TMEM132C: variants seen among roughly 807,000 people sequenced by gnomAD.
TMEM132C encodes transmembrane protein 132C, also known as protein phosphatase 1, regulatory subunit 152.
Under a neutral mutation model 61.4 loss-of-function variants are expected in TMEM132C, and 29 were observed. The observed-to-expected ratio is 0.47, with a 90% CI of 0.35 to 0.64. The LOEUF is 0.64. TMEM132C is among the 30% of genes least tolerant of loss of function. The probability of loss-of-function intolerance (pLI) is 0.00; values close to 1 mark genes in which losing one functional copy is unlikely to be tolerated. For synonymous variants in TMEM132C, 656 were observed against 633.1 expected, an observed-to-expected ratio of 1.04 and a Z score of -0.54; for missense variants, 1,408 against 1,476.9, an observed-to-expected ratio of 0.95 and a Z score of 0.76.
intron 6 of TMEM132C, among the ~76,000 whole-genome samples, chr12:128,695,284 C>T (rs1954750941): frequency 6.6e-6 from 1 of 152,140 alleles, no homozygotes; most frequent in African/African-American, 2.4e-5. Context: ...CTTTGGGAGG[C>T]CAAGGTGGGA....
chr12:128,576,251 A>G lies in TMEM132C; in HGVS notation c.1121+32148A>G, dbSNP rs562812313. ...CCTGGGTACAGAGCGAGACTCTGAAAAAGATTAGAAGGGGAGGGGAGGGGA... is the reference window on the plus strand; with the variant it reads ...CCTGGGTACAGAGCGAGACTCTGAAGAAGATTAGAAGGGGAGGGGAGGGGA... On this transcript the variant is annotated intron_variant, in intron 3 of 8. Coordinates refer to ENST00000435159, the MANE Select transcript of TMEM132C (RefSeq NM_001136103.3). Among the ~76,000 whole-genome samples the G allele has an allele frequency of 9.9e-5, 15 of 151,862 alleles. No individual in the cohort carries two copies. In the South Asian group the frequency reaches 3.1e-3, roughly 32 times the overall value.
At chr12:128,337,719 C>G (rs1038035845) in intron 1 of TMEM132C, among the ~76,000 whole-genome samples, 2 of 152,200 alleles carry the variant, frequency 1.3e-5, no homozygotes, top group Non-Finnish European at 2.9e-5. Flanking sequence ...GCAATTCTAT[C>G]AGTCTCCTTG....
At chr12:128,375,050 G>C (rs1300615162) in intron 1 of TMEM132C, among the ~76,000 whole-genome samples, 1 of 151,720 alleles carries the variant, frequency 6.6e-6, no homozygotes, top group East Asian at 1.9e-4. Context: ...TGGGGTGGGG[G>C]GTATCCTGTG....
intron 1 of TMEM132C, among the ~76,000 whole-genome samples, chr12:128,331,349 T>G (rs556083894): frequency 1.3e-4 from 20 of 152,390 alleles, no homozygotes; most frequent in South Asian, 1.2e-3. Context: ...TTTTGTTTCT[T>G]GCATGGTGGC....
chr12:128,566,422 T>C (rs1286336420), intron 3 of TMEM132C, among the ~76,000 whole-genome samples: 1 of 152,232 alleles, frequency 6.6e-6, no homozygotes, highest in Non-Finnish European at 1.5e-5. Context: ...GAGAATGTTA[T>C]TTCTTTGCTC....
intron 2 of TMEM132C, among the ~76,000 whole-genome samples, chr12:128,455,613 A>G (rs1329015569): frequency 6.6e-6 from 1 of 152,240 alleles, no homozygotes; most frequent in Non-Finnish European, 1.5e-5. Context: ...TTCCACTACA[A>G]GTCATTTTGA....
rs1473175250 is a variant in TMEM132C, at chr12:128,570,376, G to A, written c.1121+26273G>A. Reference sequence around the variant, plus strand: ...GCATTCATGGGCCTTTACAAATCTTGTTTTGACATGCACGTCAGAGAAAAA... The same window carrying A: ...GCATTCATGGGCCTTTACAAATCTTATTTTGACATGCACGTCAGAGAAAAA... On this transcript the variant is annotated intron_variant, in intron 3 of 8. Transcript: ENST00000435159. The surrounding 1 kb of genome is among the most constrained non-coding windows in gnomAD (Gnocchi z 4.7). 6.6e-6 allele frequency among the ~76,000 whole-genome samples: 1 copy of A among 152,184 alleles called. No homozygotes were observed. The highest frequency in any genetic ancestry group is 2.4e-5 in the African/African-American group (1 of 41,440).
intron 1 of TMEM132C, among the ~76,000 whole-genome samples, chr12:128,300,833 C>T (rs551019002): frequency 1.3e-5 from 2 of 152,224 alleles, no homozygotes; most frequent in East Asian, 3.9e-4. Flanking sequence ...GGCTAGGAGC[C>T]TCAACACCAG....
chr12:128,281,522 A>C (rs60839757), intron 1 of TMEM132C, among the ~76,000 whole-genome samples: 3,332 of 152,262 alleles, frequency 0.022, 96 homozygotes, highest in East Asian at 0.085. Flanking sequence ...CAAATGACCT[A>C]ATGTCTATTT....
intron 2 of TMEM132C, among the ~76,000 whole-genome samples, chr12:128,442,372 G>A (rs1414545968): frequency 1.3e-5 from 2 of 152,158 alleles, no homozygotes. Flanking sequence ...GTAAACCTGG[G>A]GCCATGGCCC....
At chr12:128,645,892 A>G (rs1357578517) in intron 4 of TMEM132C, among the ~76,000 whole-genome samples, 4 of 151,544 alleles carry the variant, frequency 2.6e-5, no homozygotes, top group African/African-American at 7.3e-5. Context: ...ACTGGAGTCT[A>G]TCAGTGCTGG....
chr12:128,552,542 G>A (rs1874208331), intron 3 of TMEM132C, among the ~76,000 whole-genome samples: 1 of 152,188 alleles, frequency 6.6e-6, no homozygotes, highest in Non-Finnish European at 1.5e-5. Flanking sequence ...TAACTTTAAT[G>A]TACACAAATA....
intron 1 of TMEM132C, among the ~76,000 whole-genome samples, chr12:128,316,990 C>G (rs1187566013): frequency 6.6e-6 from 1 of 152,162 alleles, no homozygotes; most frequent in Non-Finnish European, 1.5e-5. Flanking sequence ...TAGCTATCAC[C>G]CTTATGTACT....
At chr12:128,434,581 C>T (rs1232105221) in intron 2 of TMEM132C, among the ~76,000 whole-genome samples, 2 of 150,500 alleles carry the variant, frequency 1.3e-5, no homozygotes, top group Admixed American at 6.6e-5. Context: ...AGCCACCGCA[C>T]CTGGCCTGGA....
At position 128,668,132 on chromosome 12, in the gene TMEM132C, G is replaced by T. The variant is rs1052811597; in HGVS notation, c.1306-1285G>T. On this transcript the variant is annotated intron_variant, in intron 4 of 8. Transcript: ENST00000435159. Reference sequence around the variant, plus strand: ...TACAAGAAAAGTAAAAAATTAAAATGATCTGGGCATGGTGACACTTGCCTA... The same window carrying T: ...TACAAGAAAAGTAAAAAATTAAAATTATCTGGGCATGGTGACACTTGCCTA... Among the ~76,000 whole-genome samples the T allele has an allele frequency of 1.3e-5, 2 of 152,116 alleles. 1 individual carries two copies. Among genetic ancestry groups the T allele is most frequent in the Admixed American group, 1.3e-4 (2 of 15,268 alleles).
chr12:128,377,392 G>C (rs771910523), intron 1 of TMEM132C, among the ~76,000 whole-genome samples: 1 of 152,106 alleles, frequency 6.6e-6, no homozygotes, highest in South Asian at 2.1e-4. Flanking sequence ...CTCTGTTTTT[G>C]CCTCAGCGGG....
At chr12:128,457,660 G>A (rs1870392618) in intron 2 of TMEM132C, among the ~76,000 whole-genome samples, 1 of 152,078 alleles carries the variant, frequency 6.6e-6, no homozygotes, top group Admixed American at 6.5e-5. Flanking sequence ...TATGAAGTAG[G>A]CACTAGTGCT....
rs951367542 is a variant in TMEM132C, at chr12:128,616,025, C to G, written c.1122-127C>G. 2.5e-6 allele frequency: 3 copies of G among 1,183,474 alleles called. No individual in the cohort carries two copies. In the African/African-American group the frequency reaches 4.6e-5, roughly 18 times the overall value. The allele number at this position is 1,183,474 out of a possible 1,614,324, so 73.3% of individuals were successfully genotyped here. A position where few individuals can be genotyped will look rare whatever the true frequency, so the allele number is the denominator to read the frequency against. On this transcript the variant is annotated intron_variant, in intron 3 of 8. Coordinates refer to ENST00000435159, the MANE Select transcript of TMEM132C (RefSeq NM_001136103.3). The stretch of plus-strand genomic sequence containing the variant: ...TAGGTGGTTCCATGCCCCAGGATCC[C>G]CCACCAAAACCCTGGAGCCATCCCT...
At chr12:128,490,570 A>G (rs138626843) in intron 2 of TMEM132C, among the ~76,000 whole-genome samples, 1 of 152,330 alleles carries the variant, frequency 6.6e-6, no homozygotes, top group Non-Finnish European at 1.5e-5. Context: ...ACATTGAATG[A>G]TATATTTTAT....
Sources: allele counts gnomAD v4.1 joint callset (sites outside exome capture counted in the v4.1 genomes callset), GRCh38; gene constraint gnomAD v4.1.1; non-coding constraint Gnocchi (gnomAD v3.1); transcripts MANE v1.5; gene names NCBI Gene and HGNC (gene_info 2026-07-23, HGNC 2026-07-21).